ADK: variants seen among roughly 807,000 people sequenced by gnomAD.
ADK encodes the protein N6,N6-dimethyladenosine kinase.
Under a neutral mutation model 44.7 loss-of-function variants are expected in ADK, and 24 were observed. The ratio of observed to expected loss-of-function variants is 0.54; its 90% CI spans 0.39 to 0.76. ADK has a LOEUF of 0.76. ADK is among the 30% of genes least tolerant of loss of function. ADK has a pLI of 0.00. For synonymous variants in ADK, 128 were observed against 142.6 expected, an observed-to-expected ratio of 0.90 and a Z score of 0.73; for missense variants, 321 against 425.1, an observed-to-expected ratio of 0.76 and a Z score of 2.15.
At chr10:74,486,248 T>C (rs1847264756) in intron 6 of ADK, among the ~76,000 whole-genome samples, 1 of 152,148 alleles carries the variant, frequency 6.6e-6, no homozygotes, top group Admixed American at 6.5e-5. Flanking sequence ...CCTGCCACCA[T>C]GTAAGACGTG....
intron 3 of ADK, among the ~76,000 whole-genome samples, chr10:74,308,796 C>A (rs181514288): frequency 9.9e-4 from 151 of 152,188 alleles, no homozygotes; most frequent in African/African-American, 3.5e-3. Context: ...GTTAACACAA[C>A]GTGAGGTCTT....
intron 3 of ADK, among the ~76,000 whole-genome samples, chr10:74,313,946 A>C (rs1368432928): frequency 6.6e-6 from 1 of 151,866 alleles, no homozygotes; most frequent in South Asian, 2.1e-4. Context: ...AATCCATCCA[A>C]CTATTGATTT....
chr10:74,187,841 T>C (rs200211218), intron 1 of ADK, among the ~76,000 whole-genome samples: 1 of 152,224 alleles, frequency 6.6e-6, no homozygotes, highest in Non-Finnish European at 1.5e-5. Context: ...TAGATAGCTG[T>C]GGGTCTTTTC....
At chr10:74,476,617 T>G (rs145649320) in intron 6 of ADK, among the ~76,000 whole-genome samples, 1 of 152,310 alleles carries the variant, frequency 6.6e-6, no homozygotes, top group African/African-American at 2.4e-5. Context: ...TTGGCTACAG[T>G]TATTTAGGGT....
At chr10:74,185,644 AAC>A (rs1244718652) in intron 1 of ADK, among the ~76,000 whole-genome samples, 1 of 150,434 alleles carries the variant, frequency 6.6e-6, no homozygotes, top group Non-Finnish European at 1.5e-5. Flanking sequence ...TATCCTGGCT[AAC>A]ACAGTGAAAC....
chr10:74,633,233 T>C (rs1853502468), intron 9 of ADK, among the ~76,000 whole-genome samples: 6 of 152,226 alleles, frequency 3.9e-5, no homozygotes, highest in Admixed American at 2.6e-4. Flanking sequence ...ATGCTTCCAC[T>C]GAATGTCAGC....
intron 4 of ADK, among the ~76,000 whole-genome samples, chr10:74,368,071 G>T (rs948571376): frequency 6.6e-6 from 1 of 152,172 alleles, no homozygotes; most frequent in East Asian, 1.9e-4. Flanking sequence ...ATTGGCATTG[G>T]TTGACCAAGA....
At chr10:74,703,136 G>C (rs1020553566) in intron 10 of ADK, among the ~76,000 whole-genome samples, 1 of 152,036 alleles carries the variant, frequency 6.6e-6, no homozygotes, top group Non-Finnish European at 1.5e-5. Flanking sequence ...GAAAATATTA[G>C]ACAAATCCAA....
chr10:74,504,337 G>A (rs1199799383), intron 6 of ADK, among the ~76,000 whole-genome samples: 1 of 151,822 alleles, frequency 6.6e-6, no homozygotes, highest in Non-Finnish European at 1.5e-5. Context: ...TATTCCATAA[G>A]CATACATATT....
intron 9 of ADK, among the ~76,000 whole-genome samples, chr10:74,625,106 C>T (rs1853138883): frequency 6.6e-6 from 1 of 152,038 alleles, no homozygotes; most frequent in Admixed American, 6.5e-5. Context: ...AAAACAAAAA[C>T]TCCTTTTCTT....
chr10:74,314,841 G>A, intron 4 of ADK, 96 bp downstream of exon 4: 1 of 927,160 alleles, frequency 1.1e-6, no homozygotes, highest in South Asian at 1.4e-5. Flanking sequence ...TGTTGCTGTA[G>A]AATAGTTTTG....
chr10:74,210,601 C>T (rs1843778572), intron 2 of ADK, among the ~76,000 whole-genome samples: 1 of 152,020 alleles, frequency 6.6e-6, no homozygotes, highest in Non-Finnish European at 1.5e-5. Flanking sequence ...AGCCACTGCA[C>T]TCCATCCTAG....
At chr10:74,470,888 T>G (rs996815701) in intron 6 of ADK, among the ~76,000 whole-genome samples, 1 of 152,072 alleles carries the variant, frequency 6.6e-6, no homozygotes, top group African/African-American at 2.4e-5. Flanking sequence ...TTTTCTCCAG[T>G]GTTTTCTTCT....
intron 3 of ADK, among the ~76,000 whole-genome samples, chr10:74,284,120 G>A (rs546363859): frequency 2.6e-5 from 4 of 151,972 alleles, no homozygotes; most frequent in Admixed American, 6.6e-5. Context: ...CACCATGCCC[G>A]GCTAATTTTT....
chr10:74,651,330 C>T (rs1361488823), intron 9 of ADK, among the ~76,000 whole-genome samples: 1 of 152,032 alleles, frequency 6.6e-6, no homozygotes, highest in Non-Finnish European at 1.5e-5. Flanking sequence ...ATGTTTCCTT[C>T]TTTAAAATTT....
intron 7 of ADK, among the ~76,000 whole-genome samples, chr10:74,540,256 A>G (rs1352271931): frequency 6.6e-6 from 1 of 152,188 alleles, no homozygotes; most frequent in Non-Finnish European, 1.5e-5. Context: ...GTAATTTGAA[A>G]TAGTTTGAAT....
At chr10:74,562,636 C>T (rs1186523431) in intron 7 of ADK, among the ~76,000 whole-genome samples, 1 of 152,202 alleles carries the variant, frequency 6.6e-6, no homozygotes, top group African/African-American at 2.4e-5. Flanking sequence ...CAAGTCTTTA[C>T]TATGTTGCTG....
At chr10:74,174,756 A>G (rs182467426) in intron 1 of ADK, 4 of 152,406 alleles carry the variant, frequency 2.6e-5, no homozygotes, top group African/African-American at 9.6e-5. Context: ...AACCACGCCA[A>G]GTATAGCTCA....
At chr10:74,375,985 G>A (rs559781726) in intron 4 of ADK, among the ~76,000 whole-genome samples, 1 of 151,490 alleles carries the variant, frequency 6.6e-6, no homozygotes, top group Non-Finnish European at 1.5e-5. Flanking sequence ...CCTGAAAATG[G>A]TTCTGTTTTT....
Sources: allele counts gnomAD v4.1 joint callset (sites outside exome capture counted in the v4.1 genomes callset), GRCh38; gene constraint gnomAD v4.1.1; transcripts MANE v1.5; gene names NCBI Gene and HGNC (gene_info 2026-07-23, HGNC 2026-07-21).